The following ABCA7 variants were observed in gnomAD, a reference collection of about 807,000 sequenced individuals.
The protein encoded by ABCA7 is ATP binding cassette subfamily A member 7.
In ABCA7, 261 loss-of-function variants were observed where a neutral mutation model predicts 227.6. The ratio of observed to expected loss-of-function variants is 1.15; its 90% CI spans 1.04 to 1.27. ABCA7 has a LOEUF of 1.27. ABCA7 is among the 50% of genes most tolerant of loss of function. The pLI is 0.00. For missense variants in ABCA7, 3,331 were observed against 2,924.5 expected (o/e 1.14, Z -3.21); for synonymous variants, 1,488 against 1,279.7 (o/e 1.16, Z -3.47).
At chr19:1,064,078 CCCA>C (rs2042870539) in intron 44 of ABCA7, 80 bp from the exon 45 acceptor site, 5 of 1,432,564 alleles carry the variant, frequency 3.5e-6, no homozygotes, top group Non-Finnish European at 3.7e-6. Flanking sequence ...AGAAGGGTGG[CCCA>C]GGCCGGGGGA....
chr19:1,064,211 G>A lies in ABCA7; in HGVS notation c.6002G>A (p.Gly2001Glu), dbSNP rs2042882828. ...LCSRLAIMVN[G>E]RFRCLGSPQH... ...TCGCGCCTGGCCATCATGGTGAATG[G>A]GCGGTTCCGCTGCCTGGGCAGCCCG... The change falls in exon 45 of 47, where the codon GGG becomes GAG. Residue 2001 changes from glycine to glutamate, a missense_variant. Coordinates refer to ENST00000263094, the MANE Select transcript of ABCA7 (RefSeq NM_019112.4). 6.3e-7 allele frequency: 1 copy of A among 1,577,448 alleles called. No individual in the cohort carries two copies. Among genetic ancestry groups the A allele is most frequent in the Non-Finnish European group, 8.6e-7 (1 of 1,163,240 alleles).
At position 1,059,026 on chromosome 19, in the gene ABCA7, T is replaced by C. The variant is rs1362400239; in HGVS notation, c.5404T>C (p.Tyr1802His). The change falls in exon 40 of 47, where the codon TAC becomes CAC. Residue 1802 changes from tyrosine (Y) to histidine (H), a missense_variant. Physicochemically the swap from Tyr to His is moderately conservative, Grantham distance 83. Coordinates refer to ENST00000263094, the MANE Select transcript of ABCA7 (RefSeq NM_019112.4). ...TGAAAGACCTGCACTCTCCCAGGTA[T>C]ACCGTGGGCAGAGGATGCCAGCTGT... ...VLVLRNLTKV[Y>H]RGQRMPAVDR... 6.2e-7 allele frequency: 1 copy of C among 1,613,802 alleles called. No individual in the cohort carries two copies. Among genetic ancestry groups the C allele is most frequent in the Non-Finnish European group, 8.5e-7 (1 of 1,179,992 alleles).
chr19:1,045,583 T>C (rs1008573302), intron 12 of ABCA7: 14 of 257,610 alleles, frequency 5.4e-5, no homozygotes, highest in Non-Finnish European at 9.8e-5. Flanking sequence ...ATCTCAGAAC[T>C]TTGGGAGGCC....
intron 16 of ABCA7, among the ~76,000 whole-genome samples, chr19:1,047,915 G>A (rs1415095659): frequency 6.6e-6 from 1 of 152,216 alleles, no homozygotes; most frequent in Non-Finnish European, 1.5e-5. Context: ...GTCGCCGGGC[G>A]CTGTGGCTCA....
At chr19:1,057,131 C>T (rs916573952) in intron 34 of ABCA7, 47 bp downstream of exon 34, 1 of 1,586,776 alleles carries the variant, frequency 6.3e-7, no homozygotes, top group Non-Finnish European at 8.6e-7. Flanking sequence ...CTGCTTGCCA[C>T]TGCCCTGTCT....
At chr19:1,052,653 GAGGA>G (rs2041865322) in intron 23 of ABCA7, among the ~76,000 whole-genome samples, 1 of 62,878 alleles carries the variant, frequency 1.6e-5, no homozygotes, top group Non-Finnish European at 3.3e-5. Context: ...GGAGAAGTAG[GAGGA>G]AGAGGAGGGG....
Position 1,062,152 on chromosome 19 carries a change from C to T in ABCA7, c.5571-20C>T, listed in dbSNP as rs2042698803. ...CAGGGACTAGCCAGCTCTCTGAGCC[C>T]CCGGCGCCCCCATCCCCAGCGTGGC... On this transcript the variant is annotated intron_variant, in intron 41 of 46. Transcript: ENST00000263094. 6 of 1,610,170 alleles carry T rather than the reference C, an allele frequency of 3.7e-6. No homozygotes were observed. The highest frequency in any genetic ancestry group is 5.1e-6 in the Non-Finnish European group (6 of 1,178,572).
rs758281420 is a variant in ABCA7 at position 1,055,138 on chromosome 19, T to C, written c.3992T>C (p.Leu1331Ser). 1.9e-6 allele frequency: 3 copies of C among 1,612,984 alleles called. No individual in the cohort carries two copies. The highest frequency in any genetic ancestry group is 2.2e-5 in the East Asian group (1 of 44,876). Residue 1331 changes from leucine to serine, a missense_variant, in exon 30 of 47, where the codon TTG becomes TCG. Transcript: ENST00000263094. ...GTTCCTGCTGAAGTGGCCAAGGTCT[T>C]GGCCAGTGGCAACTGGACCCCAGAG... ...PEVPAEVAKV[L>S]ASGNWTPESP...
At chr19:1,050,066 C>T (rs2041401185) in intron 18 of ABCA7, among the ~76,000 whole-genome samples, 1 of 149,874 alleles carries the variant, frequency 6.7e-6, no homozygotes, top group Admixed American at 6.7e-5. Flanking sequence ...TCCCTGTGAG[C>T]AGTAATGGCG....
rs1407910712 is a variant in ABCA7 at position 1,043,831 on chromosome 19, C to T, written c.1037C>T (p.Ala346Val). 4 of 1,612,914 alleles carry T rather than the reference C, an allele frequency of 2.5e-6. No individual in the cohort carries two copies. The highest frequency in any genetic ancestry group is 4.5e-5 in the East Asian group (2 of 44,882). Reference sequence around the variant, plus strand: ...TTCATGAACGACAGTTCCAATGTGGCCATGCTGCAGGTGTGCGGGGGTGCT... The same window carrying T: ...TTCATGAACGACAGTTCCAATGTGGTCATGCTGCAGGTGTGCGGGGGTGCT... ...FTFMNDSSNV[A>V]MLQRLLQMQD... is the part of the protein sequence containing the mutation. The change falls in exon 10 of 47, where the codon GCC becomes GTC. Residue 346 changes from alanine to valine, a missense_variant. Physicochemically the swap from Ala to Val is moderately conservative, Grantham distance 64. Coordinates refer to ENST00000263094, the MANE Select transcript of ABCA7 (RefSeq NM_019112.4).
intron 40 of ABCA7, among the ~76,000 whole-genome samples, chr19:1,061,257 C>T (rs11671354): frequency 0.046 from 7,054 of 151,832 alleles, 219 homozygotes; most frequent in South Asian, 0.13. Context: ...ATTAGCCGGG[C>T]TTGGTGGCAC....
intron 18 of ABCA7, 99 bp from the exon 19 acceptor site, chr19:1,050,822 T>G: frequency 1.5e-6 from 1 of 657,418 alleles, no homozygotes; most frequent in South Asian, 6.5e-5. Flanking sequence ...TAATAATAAA[T>G]AATTAAAAAT....
chr19:1,052,483 A>G (rs867805604), intron 23 of ABCA7, among the ~76,000 whole-genome samples, 197 bp downstream of exon 23: 3 of 328 alleles, frequency 9.1e-3, no homozygotes, highest in East Asian at 0.045. Context: ...AGTAGGAGGG[A>G]GAGGAGGAGG....
rs758813555 is a variant in ABCA7, at chr19:1,056,951, T to C, written c.4631T>C (p.Phe1544Ser). 6.2e-7 allele frequency: 1 copy of C among 1,614,092 alleles called. No homozygotes were observed. Among genetic ancestry groups the C allele is most frequent in the South Asian group, 1.1e-5 (1 of 91,088 alleles). The change falls in exon 34 of 47, where the codon TTT becomes TCT. Residue 1544 changes from phenylalanine (F) to serine (S), a missense_variant. Phe to Ser is a radical substitution (Grantham distance 155). Transcript: ENST00000263094. The surrounding 1 kb of genome is among the most constrained non-coding windows in gnomAD (Gnocchi z 4.3). ...VDVLVSICVV[F>S]AMSFVPASFT... ...GTCCTCGTCTCCATCTGTGTGGTCT[T>C]TGCCATGTCCTTTGTCCCGGCCAGC... is the stretch of plus-strand genomic sequence containing the variant.
Position 1,058,673 on chromosome 19 carries a change from G to A in ABCA7, c.5205G>A (p.Leu1735=). 6.2e-7 allele frequency: 1 copy of A among 1,613,968 alleles called. No individual in the cohort carries two copies. ...LRWEVVGKNL[L]AMVIQGPLFL... ...GGGAGGTGGTCGGCAAGAACCTCTT[G>A]GCCATGGTGATACAGGGGCCCCTCT... The change falls in exon 38 of 47, where the codon TTG becomes TTA. Residue 1735 remains leucine, a synonymous_variant. Transcript: ENST00000263094.
intron 18 of ABCA7, among the ~76,000 whole-genome samples, chr19:1,050,637 G>A (rs1347825660): frequency 6.1e-5 from 9 of 146,668 alleles, no homozygotes; most frequent in African/African-American, 1.5e-4. Context: ...AAAATTAGCC[G>A]GACATGGTGG....
Position 1,051,166 on chromosome 19 carries a change from A to G in ABCA7, c.2696A>G (p.Asp899Gly). 1 of 1,611,202 alleles carries G rather than the reference A, an allele frequency of 6.2e-7. No individual in the cohort carries two copies. Among genetic ancestry groups the G allele is most frequent in the Non-Finnish European group, 8.5e-7 (1 of 1,179,908 alleles). Residue 899 changes from aspartate (D) to glycine (G), a missense_variant, in exon 20 of 47, where the codon GAC becomes GGC. Physicochemically the swap from Asp to Gly is moderately conservative, Grantham distance 94. Coordinates refer to ENST00000263094, the MANE Select transcript of ABCA7 (RefSeq NM_019112.4). ...TGCACTGGCCGCAGGCTGACCGTGG[A>G]CGAGCACGTCTGGTTCTATGGGCGG... ...YNVLFDMLTV[D>G]EHVWFYGRLK... is the part of the protein sequence containing the mutation.
At position 1,054,368 on chromosome 19, in the gene ABCA7, G is replaced by A. The variant is rs749544192; in HGVS notation, c.3726+27G>A. On this transcript the variant is annotated intron_variant, in intron 27 of 46. Coordinates refer to ENST00000263094, the MANE Select transcript of ABCA7 (RefSeq NM_019112.4). This position sits in a 1 kb window ranked among gnomAD's most constrained non-coding sequence, Gnocchi z 4.8. ...TGAGGAGGGCTAGCACCAGGGAGTC[G>A]CATGGGAGTCCCTGAGTTCCCTACC... is the stretch of plus-strand genomic sequence containing the variant. 4.4e-6 allele frequency: 7 copies of A among 1,573,942 alleles called. No homozygotes were observed. The highest frequency in any genetic ancestry group is 3.4e-5 in the South Asian group (3 of 88,640).
chr19:1,054,581 T>TG lies in ABCA7; in HGVS notation c.3739dup (p.Ala1247GlyfsTer39). 1 of 1,610,772 alleles carries TG rather than the reference T, an allele frequency of 6.2e-7. No homozygotes were observed. Among genetic ancestry groups the TG allele is most frequent in the South Asian group, 1.1e-5 (1 of 91,018 alleles). On this transcript the variant is annotated frameshift_variant, in exon 28 of 47. Transcript: ENST00000263094. LOFTEE classifies it high-confidence loss of function. This position sits in a 1 kb window ranked among gnomAD's most constrained non-coding sequence, Gnocchi z 4.8. ...GGCTGGTCCCCCAGATCGTGCTGCCTGCCCTCTTTGTGGGCCTGGCCCTCG... is the reference window on the plus strand; with the variant it reads ...GGCTGGTCCCCCAGATCGTGCTGCCTGGCCCTCTTTGTGGGCCTGGCCCTCG...
Sources: allele counts gnomAD v4.1 joint callset (sites outside exome capture counted in the v4.1 genomes callset), GRCh38; gene constraint gnomAD v4.1.1; non-coding constraint Gnocchi (gnomAD v3.1); transcripts MANE v1.5; gene names NCBI Gene and HGNC (gene_info 2026-07-23, HGNC 2026-07-21).